PLXNB1: variants seen among roughly 807,000 people sequenced by gnomAD.
PLXNB1 encodes plexin B1.
In PLXNB1, 106 loss-of-function variants were observed where a neutral mutation model predicts 209.4. The ratio of observed to expected loss-of-function variants is 0.51; its 90% CI spans 0.43 to 0.59. The LOEUF (loss-of-function observed/expected upper bound fraction) is 0.59, where lower values mean the gene tolerates loss of function less well. Among genes scored for constraint, PLXNB1 ranks in the 20% least tolerant of loss-of-function variants. PLXNB1 has a pLI of 0.00. For synonymous variants in PLXNB1, 1,167 were observed against 1,183.2 expected (o/e 0.99, Z 0.28); for missense variants, 2,357 against 2,853.2 (o/e 0.83, Z 3.96).
chr3:48,411,117 A>T lies in PLXNB1; in HGVS notation c.5248-81T>A. The T allele has an allele frequency of 1.6e-6, 2 of 1,254,018 alleles. No individual in the cohort carries two copies. Among genetic ancestry groups the T allele is most frequent in the Non-Finnish European group, 2.2e-6 (2 of 902,756 alleles). The allele number at this position is 1,254,018 out of a possible 1,614,324, so 77.7% of individuals were successfully genotyped here. On this transcript the variant is annotated intron_variant, in intron 28 of 37. Coordinates refer to ENST00000296440, the MANE Select transcript of PLXNB1 (RefSeq NM_001130082.3). This position sits in a 1 kb window ranked among gnomAD's most constrained non-coding sequence, Gnocchi z 4.0. The stretch of plus-strand genomic sequence containing the variant: ...CACAGGCCAAGGGCAGAGACAACTC[A>T]TGAGAAACTGCTGCCTCCAATCCCC...
Position 48,419,454 on chromosome 3 carries a change from T to G in PLXNB1, c.2710-88A>C. The stretch of plus-strand genomic sequence containing the variant: ...TGCCAGATTCCAGAGGCAAGGCCGG[T>G]GTGGGGCTGCAGACTCCACCCTGCC... On this transcript the variant is annotated intron_variant, in intron 11 of 37. Coordinates refer to ENST00000296440, the MANE Select transcript of PLXNB1 (RefSeq NM_001130082.3). The surrounding 1 kb of genome is among the most constrained non-coding windows in gnomAD (Gnocchi z 5.7). 6.6e-7 allele frequency: 1 copy of G among 1,504,824 alleles called. No homozygotes were observed. The allele number at this position is 1,504,824 out of a possible 1,614,324, so 93.2% of individuals were successfully genotyped here. A position where few individuals can be genotyped will look rare whatever the true frequency, so the allele number is the denominator to read the frequency against.
In PLXNB1 at chr3:48,413,927, G is replaced by C; in HGVS notation, c.4354C>G (p.Arg1452Gly). The change falls in exon 22 of 38, where the codon CGA (arginine) becomes GGA (glycine). Residue 1452 changes from arginine (R) to glycine (G), a missense_variant. This residue lies in a region of PLXNB1 where 743 missense variants were observed against 896.2 expected (regional missense o/e 0.83). Coordinates refer to ENST00000296440, the MANE Select transcript of PLXNB1 (RefSeq NM_001130082.3). The surrounding 1 kb of genome is among the most constrained non-coding windows in gnomAD (Gnocchi z 5.4). ...EQPLPRHHAL[R>G]EAPDSLPEFT... ...TCAGGCAAAGAGTCAGGTGCCTCTCGGAGGGCATGGTGCCGTGGCAGGGGC... is the reference window on the plus strand; with the variant it reads ...TCAGGCAAAGAGTCAGGTGCCTCTCCGAGGGCATGGTGCCGTGGCAGGGGC... 6.2e-7 allele frequency: 1 copy of C among 1,611,854 alleles called. No individual in the cohort carries two copies. The highest frequency in any genetic ancestry group is 8.5e-7 in the Non-Finnish European group (1 of 1,178,870).
rs1431636762 is a variant in PLXNB1, at chr3:48,410,349, G to A, written c.5552C>T (p.Pro1851Leu). ...VPDGATVALV[P>L]CLTKHVLREN... Reference sequence around the variant, plus strand: ...CCGGAGCACATGCTTGGTGAGGCAGGGGACGAGGGCCACAGTTGCTCCATC... The same window carrying A: ...CCGGAGCACATGCTTGGTGAGGCAGAGGACGAGGGCCACAGTTGCTCCATC... Residue 1851 changes from proline to leucine, a missense_variant, in exon 31 of 38, where the codon CCC becomes CTC. This residue lies in a region of PLXNB1 where 414 missense variants were observed against 520.5 expected (regional missense o/e 0.80). Transcript: ENST00000296440. The surrounding 1 kb of genome is among the most constrained non-coding windows in gnomAD (Gnocchi z 6.4). 6.2e-7 allele frequency: 1 copy of A among 1,613,428 alleles called. No homozygotes were observed. The highest frequency in any genetic ancestry group is 1.7e-5 in the Admixed American group (1 of 59,984).
In PLXNB1 at chr3:48,420,576, A is replaced by G. The variant is rs1159086942; in HGVS notation, c.2028+89T>C. On this transcript the variant is annotated intron_variant, in intron 10 of 37. Transcript: ENST00000296440. ...TCTGGTGCTCAGGACAGAGCCTCAC[A>G]TAGGCAGACAGACCCCGGGCCATGA... The G allele has an allele frequency of 2.8e-6, 3 of 1,052,976 alleles. No individual in the cohort carries two copies. The Admixed American group carries it at 5.4e-5, about 19-fold the overall frequency. 65.2% of individuals were successfully genotyped at this position (1,052,976 alleles called of 1,614,324 possible). A position where few individuals can be genotyped will look rare whatever the true frequency, so the allele number is the denominator to read the frequency against.
At position 48,416,820 on chromosome 3, in the gene PLXNB1, C is replaced by A; in HGVS notation, c.3375-369G>T. On this transcript the variant is annotated intron_variant, in intron 16 of 37. Transcript: ENST00000296440. The surrounding 1 kb of genome is among the most constrained non-coding windows in gnomAD (Gnocchi z 4.1). ...CCTCCGCCACGTCACATGCACAGTA[C>A]CCACTCAAAGCATGGTAGAAACTTG... 5.6e-6 allele frequency: 1 copy of A among 177,642 alleles called. No individual in the cohort carries two copies. Among genetic ancestry groups the A allele is most frequent in the Non-Finnish European group, 1.2e-5 (1 of 85,490 alleles). The allele number at this position is 177,642 out of a possible 1,614,324, so 11.0% of individuals were successfully genotyped here. A position where few individuals can be genotyped will look rare whatever the true frequency, so the allele number is the denominator to read the frequency against.
Position 48,415,696 on chromosome 3 carries a change from C to G in PLXNB1, c.3681G>C (p.Thr1227=), listed in dbSNP as rs202215455. ...CCCCAAACCACACAGCCACAGGGAG[C>G]GTGGCAGGCGTGGGGCGTGGGCTGG... ...CETSPRPTPA[T]LPVAVWFGAT... Residue 1227 remains threonine, a synonymous_variant, in exon 19 of 38, where the codon ACG becomes ACC. Transcript: ENST00000296440. The surrounding 1 kb of genome is among the most constrained non-coding windows in gnomAD (Gnocchi z 5.0). The G allele has an allele frequency of 6.4e-7, 1 of 1,555,166 alleles. No homozygotes were observed. The highest frequency in any genetic ancestry group is 1.2e-5 in the South Asian group (1 of 84,310).
chr3:48,429,401 C>T lies in PLXNB1; in HGVS notation c.-60+607G>A, dbSNP rs1344825977. ...GGGGCGGAAAACTGCGCCCGCTGCC[C>T]GCCCCTCCCGCGCGGCGCTGCCACC... On this transcript the variant is annotated intron_variant, in intron 1 of 37. Coordinates refer to ENST00000296440, the MANE Select transcript of PLXNB1 (RefSeq NM_001130082.3). This position sits in a 1 kb window ranked among gnomAD's most constrained non-coding sequence, Gnocchi z 6.4. 1 of 151,390 alleles carries T rather than the reference C, an allele frequency of 6.6e-6. No homozygotes were observed. The highest frequency in any genetic ancestry group is 1.5e-5 in the Non-Finnish European group (1 of 67,748). The allele number at this position is 151,390 out of a possible 1,614,324, so 9.4% of individuals were successfully genotyped here. A position where few individuals can be genotyped will look rare whatever the true frequency, so the allele number is the denominator to read the frequency against.
intron 21 of PLXNB1, among the ~76,000 whole-genome samples, chr3:48,414,542 A>G (rs550513332): frequency 3.5e-4 from 54 of 152,340 alleles, no homozygotes; most frequent in African/African-American, 1.2e-3. Flanking sequence ...CAGGCCGAAC[A>G]TACAAATGCA....
In PLXNB1 at chr3:48,416,714, T is replaced by G. The variant is rs1180047474; in HGVS notation, c.3375-263A>C. On this transcript the variant is annotated intron_variant, in intron 16 of 37. Coordinates refer to ENST00000296440, the MANE Select transcript of PLXNB1 (RefSeq NM_001130082.3). The surrounding 1 kb of genome is among the most constrained non-coding windows in gnomAD (Gnocchi z 4.1). ...AATAAGGAAGAATTTATCTGTGGCA[T>G]AAATTTACAAAGGGGCCCTGTCAGC... 3.0e-6 allele frequency: 1 copy of G among 333,692 alleles called. No individual in the cohort carries two copies. The highest frequency in any genetic ancestry group is 2.1e-5 in the African/African-American group (1 of 46,620). The allele number at this position is 333,692 out of a possible 1,614,324, so 20.7% of individuals were successfully genotyped here.
At chr3:48,421,037 T>C in intron 8 of PLXNB1, 81 bp from the exon 9 acceptor site, 9 of 1,349,200 alleles carry the variant, frequency 6.7e-6, no homozygotes, top group Non-Finnish European at 8.4e-6. Flanking sequence ...AGCCCTTGAA[T>C]GGGGAAGAGG....
Position 48,412,639 on chromosome 3 carries a change from G to T in PLXNB1, c.4855-19C>A, listed in dbSNP as rs929468719. On this transcript the variant is annotated intron_variant, in intron 25 of 37. Coordinates refer to ENST00000296440, the MANE Select transcript of PLXNB1 (RefSeq NM_001130082.3). ...GGATGAACTGCAGCCAAAGAGAAGG[G>T]ATGGGAAAAGGGGTTTAGGGGGACA... 1.2e-6 allele frequency: 2 copies of T among 1,612,324 alleles called. No individual in the cohort carries two copies. Among genetic ancestry groups the T allele is most frequent in the African/African-American group, 1.3e-5 (1 of 74,908 alleles).
chr3:48,410,370 C>G lies in PLXNB1; in HGVS notation c.5531G>C (p.Gly1844Ala), dbSNP rs758729631. Residue 1844 changes from glycine (G) to alanine (A), a missense_variant, in exon 31 of 38, where the codon GGA becomes GCA. This residue lies in a region of PLXNB1 where 414 missense variants were observed against 520.5 expected (regional missense o/e 0.80). Coordinates refer to ENST00000296440, the MANE Select transcript of PLXNB1 (RefSeq NM_001130082.3). The surrounding 1 kb of genome is among the most constrained non-coding windows in gnomAD (Gnocchi z 6.4). Reference protein sequence around the residue: ...NTLQHYKVPDGATVALVPCLT... With the variant: ...NTLQHYKVPDAATVALVPCLT... ...GCAGGGGACGAGGGCCACAGTTGCT[C>G]CATCTGGGACCTGCTGAGCACAGCT... The G allele has an allele frequency of 6.2e-7, 1 of 1,613,334 alleles. No individual in the cohort carries two copies. The highest frequency in any genetic ancestry group is 1.3e-5 in the African/African-American group (1 of 74,894).
Position 48,419,317 on chromosome 3 carries a change from T to C in PLXNB1, c.2759A>G (p.Gln920Arg). 6.3e-7 allele frequency: 1 copy of C among 1,596,456 alleles called. No individual in the cohort carries two copies. Among genetic ancestry groups the C allele is most frequent in the Non-Finnish European group, 8.6e-7 (1 of 1,169,070 alleles). ...ATGGACCGGCATCAACGTGGAGCCCTGAACGCTCTCCACACAGGGGCAGGA... is the reference window on the plus strand; with the variant it reads ...ATGGACCGGCATCAACGTGGAGCCCCGAACGCTCTCCACACAGGGGCAGGA... The part of the protein sequence containing the change: ...ASSCPCVESV[Q>R]GSTLMPVHVE... Residue 920 changes from glutamine to arginine, a missense_variant, in exon 12 of 38, where the codon CAG becomes CGG. By Grantham distance (43) the Gln-to-Arg change is conservative. This residue lies in a region of PLXNB1 where 410 missense variants were observed against 401.0 expected (regional missense o/e 1.02). Coordinates refer to ENST00000296440, the MANE Select transcript of PLXNB1 (RefSeq NM_001130082.3). The surrounding 1 kb of genome is among the most constrained non-coding windows in gnomAD (Gnocchi z 5.7).
rs779829758 is a variant in PLXNB1, at chr3:48,406,922, A to C, written c.6153-24T>G. 6 of 1,612,392 alleles carry C rather than the reference A, an allele frequency of 3.7e-6. No homozygotes were observed. In the Admixed American group the frequency reaches 1.0e-4, roughly 27 times the overall value. On this transcript the variant is annotated intron_variant, in intron 35 of 37. Coordinates refer to ENST00000296440, the MANE Select transcript of PLXNB1 (RefSeq NM_001130082.3). This position sits in a 1 kb window ranked among gnomAD's most constrained non-coding sequence, Gnocchi z 4.4. ...ACCTGCCAGAGAGCCAGGGCACAGC[A>C]GCTGCTGGGTAAACAAGCCCACTCC... is the stretch of plus-strand genomic sequence containing the variant.
chr3:48,425,646 C>T (rs558956243), intron 1 of PLXNB1, among the ~76,000 whole-genome samples: 12 of 152,270 alleles, frequency 7.9e-5, no homozygotes, highest in Non-Finnish European at 1.2e-4. Context: ...CTGTGAGGTC[C>T]CTCTCTCTGC....
rs770778703 is a variant in PLXNB1 at position 48,405,790 on chromosome 3, G to A, written c.6237C>T (p.Ser2079=). 1.8e-5 allele frequency: 29 copies of A among 1,613,200 alleles called. No individual in the cohort carries two copies. The highest frequency in any genetic ancestry group is 2.2e-5 in the East Asian group (1 of 44,872). Residue 2079 remains serine, a synonymous_variant, in exon 37 of 38, where the codon TCC becomes TCT. Coordinates refer to ENST00000296440, the MANE Select transcript of PLXNB1 (RefSeq NM_001130082.3). The surrounding 1 kb of genome is among the most constrained non-coding windows in gnomAD (Gnocchi z 5.0). ...GGGCCACTCGCGCCCCGAGGTCTCC[G>A]GAGTAGTTCTAGGGAAGAGGCCAAA... The part of the protein sequence containing the change: ...SVLAELSWNY[S]GDLGARVALH...
chr3:48,415,896 G>C lies in PLXNB1; in HGVS notation c.3617+135C>G. On this transcript the variant is annotated intron_variant, in intron 18 of 37. Coordinates refer to ENST00000296440, the MANE Select transcript of PLXNB1 (RefSeq NM_001130082.3). The surrounding 1 kb of genome is among the most constrained non-coding windows in gnomAD (Gnocchi z 5.0). ...TGGAGGTGCACTCCCACCACAGCTG[G>C]CTAGGGAGGGTCTGGCCACTCTCTG... The C allele has an allele frequency of 7.4e-7, 1 of 1,342,568 alleles. No homozygotes were observed. The highest frequency in any genetic ancestry group is 1.0e-6 in the Non-Finnish European group (1 of 985,044). The allele number at this position is 1,342,568 out of a possible 1,614,324, so 83.2% of individuals were successfully genotyped here.
chr3:48,412,939 C>A lies in PLXNB1; in HGVS notation c.4657G>T (p.Asp1553Tyr). The change falls in exon 25 of 38, where the codon GAT (aspartate) becomes TAT (tyrosine). Residue 1553 changes from aspartate to tyrosine, a missense_variant. By Grantham distance (160) the Asp-to-Tyr change is radical. This residue lies in a region of PLXNB1 where 743 missense variants were observed against 896.2 expected (regional missense o/e 0.83). Coordinates refer to ENST00000296440, the MANE Select transcript of PLXNB1 (RefSeq NM_001130082.3). Reference sequence around the variant, plus strand: ...CTGCCCAGGAGGTCACTGGTGAGATCGGTCATCTCAGTCATGAGGTCTGTT... The same window carrying A: ...CTGCCCAGGAGGTCACTGGTGAGATAGGTCATCTCAGTCATGAGGTCTGTT... Reference protein sequence around the residue: ...EFTDLMTEMTDLTSDLLGSGI... With the variant: ...EFTDLMTEMTYLTSDLLGSGI... The A allele has an allele frequency of 1.2e-6, 2 of 1,613,996 alleles. No individual in the cohort carries two copies. The highest frequency in any genetic ancestry group is 1.7e-6 in the Non-Finnish European group (2 of 1,179,916).
chr3:48,429,863 T>TC lies in PLXNB1; in HGVS notation c.-60+144dup, dbSNP rs1470867591. The TC allele has an allele frequency of 1.3e-5, 2 of 151,632 alleles. No homozygotes were observed. The highest frequency in any genetic ancestry group is 4.9e-5 in the African/African-American group (2 of 41,204). The allele number at this position is 151,632 out of a possible 1,614,324, so 9.4% of individuals were successfully genotyped here. The stretch of plus-strand genomic sequence containing the variant: ...CTGGTGGAACAGCGTCCCGGCCTCT[T>TC]CCCGCCCGTCCAGAGCCGGGTAGCA... On this transcript the variant is annotated intron_variant, in intron 1 of 37. Transcript: ENST00000296440. The surrounding 1 kb of genome is among the most constrained non-coding windows in gnomAD (Gnocchi z 6.4).
Sources: allele counts gnomAD v4.1 joint callset (sites outside exome capture counted in the v4.1 genomes callset), GRCh38; gene constraint gnomAD v4.1.1; regional missense constraint gnomAD v4.1.1; non-coding constraint Gnocchi (gnomAD v3.1); transcripts MANE v1.5; gene names NCBI Gene and HGNC (gene_info 2026-07-23, HGNC 2026-07-21).